SORBS2: variants seen among roughly 807,000 people sequenced by gnomAD.
The protein encoded by SORBS2 is sorbin and SH3 domain containing 2.
In SORBS2, 46 loss-of-function variants were observed where a neutral mutation model predicts 97.7. The observed-to-expected ratio is 0.47, with a 90% CI of 0.37 to 0.60. The LOEUF (loss-of-function observed/expected upper bound fraction) is 0.60. SORBS2 is among the 20% of genes least tolerant of loss of function. SORBS2 has a pLI of 0.00. For synonymous variants in SORBS2, 476 were observed against 473.4 expected, an observed-to-expected ratio of 1.01 and a Z score of -0.07; for missense variants, 1,316 against 1,282.3, an observed-to-expected ratio of 1.03 and a Z score of -0.40.
chr4:185,797,602 A>G (rs577563867), intron 1 of SORBS2, among the ~76,000 whole-genome samples: 13 of 152,224 alleles, frequency 8.5e-5, no homozygotes, highest in African/African-American at 2.9e-4. Flanking sequence ...CAGTAATCTC[A>G]TTTAATCCTA....
At chr4:185,657,482 G>A (rs770251046), upstream of SORBS2, 17 of 1,567,424 alleles carry the variant, frequency 1.1e-5, no homozygotes, top group Admixed American at 2.1e-5. Flanking sequence ...TGGGTAATGC[G>A]GGGCTTTGAT....
In SORBS2 at chr4:185,625,300, G is replaced by C. The variant is rs886810441; in HGVS notation, c.635-806C>G. On this transcript the variant is annotated intron_variant, in intron 6 of 14. Transcript: ENST00000418609. ...AAAAATCATTTGCAATTTGATAATA[G>C]AGATCTACATTTGGCCTCAATTTTG... 3.9e-5 allele frequency among the ~76,000 whole-genome samples: 6 copies of C among 151,916 alleles called. 1 individual carries two copies. Among genetic ancestry groups the C allele is most frequent in the African/African-American group, 1.5e-4 (6 of 41,292 alleles).
chr4:185,634,825 A>G (rs1177079322), intron 4 of SORBS2, among the ~76,000 whole-genome samples: 1 of 152,146 alleles, frequency 6.6e-6, no homozygotes, highest in African/African-American at 2.4e-5. Context: ...ATGGGTATGA[A>G]ACTGGGAAGT....
chr4:185,857,757 G>A (rs1162718092), intron 1 of SORBS2, among the ~76,000 whole-genome samples: 1 of 152,148 alleles, frequency 6.6e-6, no homozygotes, highest in African/African-American at 2.4e-5. Flanking sequence ...TTGAGATAAG[G>A]GATGAAATAC....
intron 12 of SORBS2, among the ~76,000 whole-genome samples, chr4:185,598,950 G>T (rs1350304636): frequency 6.6e-6 from 1 of 152,036 alleles, no homozygotes; most frequent in African/African-American, 2.4e-5. Flanking sequence ...TTATAGATGG[G>T]TCCTTTTCAC....
intron 5 of SORBS2, among the ~76,000 whole-genome samples, chr4:185,629,057 T>C (rs1421099722): frequency 1.3e-5 from 2 of 152,186 alleles, no homozygotes; most frequent in East Asian, 3.9e-4. Flanking sequence ...TTCTTTATGT[T>C]TTTGTCTTAT....
chr4:185,765,514 G>T (rs2098929431), intron 2 of SORBS2, among the ~76,000 whole-genome samples: 2 of 152,054 alleles, frequency 1.3e-5, no homozygotes, highest in Non-Finnish European at 2.9e-5. Flanking sequence ...ATTGTAAGGG[G>T]ATAAAAATCT....
chr4:185,674,342 G>C (rs2097763273), intron 4 of SORBS2, among the ~76,000 whole-genome samples: 1 of 152,124 alleles, frequency 6.6e-6, no homozygotes, highest in South Asian at 2.1e-4. Flanking sequence ...AATCTGCCAG[G>C]AAGTCCTGTT....
intron 4 of SORBS2, among the ~76,000 whole-genome samples, chr4:185,631,280 TA>T (rs1476531000): frequency 2.6e-5 from 4 of 152,238 alleles, no homozygotes; most frequent in Admixed American, 2.6e-4. Context: ...ATAACTTTTT[TA>T]AAGTGCGCTT....
At chr4:185,800,937 T>G (rs188233143) in intron 1 of SORBS2, among the ~76,000 whole-genome samples, 10 of 152,312 alleles carry the variant, frequency 6.6e-5, no homozygotes, top group Non-Finnish European at 1.0e-4. Flanking sequence ...CCTAGCAAGC[T>G]GCAAGTGTGC....
At chr4:185,832,596 A>G (rs1285852632) in intron 1 of SORBS2, among the ~76,000 whole-genome samples, 1 of 152,214 alleles carries the variant, frequency 6.6e-6, no homozygotes, top group Non-Finnish European at 1.5e-5. Flanking sequence ...ATGAAACAGA[A>G]TTATTCCTTT....
At chr4:185,853,816 A>G (rs2099219258) in intron 1 of SORBS2, among the ~76,000 whole-genome samples, 1 of 152,204 alleles carries the variant, frequency 6.6e-6, no homozygotes, top group Non-Finnish European at 1.5e-5. Flanking sequence ...GAAGAAACAG[A>G]GGGAAAATCA....
chr4:185,699,644 A>G (rs970310532), intron 2 of SORBS2, among the ~76,000 whole-genome samples: 5 of 152,140 alleles, frequency 3.3e-5, no homozygotes, highest in African/African-American at 9.7e-5. Flanking sequence ...GAAAATTTGA[A>G]CGAGAAAATA....
At chr4:185,819,030 G>T (rs909063323) in intron 1 of SORBS2, among the ~76,000 whole-genome samples, 1 of 152,114 alleles carries the variant, frequency 6.6e-6, no homozygotes, top group African/African-American at 2.4e-5. Context: ...GACATGGTTT[G>T]CTTCCAACAA....
At chr4:185,643,009 G>A (rs972816827) in intron 4 of SORBS2, among the ~76,000 whole-genome samples, 2 of 152,216 alleles carry the variant, frequency 1.3e-5, no homozygotes, top group Admixed American at 6.5e-5. Flanking sequence ...GAAATTCCAC[G>A]AATGCATATT....
At chr4:185,867,213 T>C (rs980607365) in intron 1 of SORBS2, among the ~76,000 whole-genome samples, 2 of 152,146 alleles carry the variant, frequency 1.3e-5, no homozygotes, top group African/African-American at 2.4e-5. Context: ...GGTTTCACCA[T>C]GTTGATCAGG....
exon 7 of SORBS2, chr4:185,624,076 C>G: frequency 6.2e-7 from 1 of 1,614,140 alleles, no homozygotes; most frequent in Non-Finnish European, 8.5e-7. Flanking sequence ...TCAGGAACCC[C>G]GGGGCGTTGC....
intron 1 of SORBS2, among the ~76,000 whole-genome samples, chr4:185,862,444 T>C (rs190855102): frequency 6.6e-6 from 1 of 152,364 alleles, no homozygotes; most frequent in Non-Finnish European, 1.5e-5. Flanking sequence ...GACTGTGAAC[T>C]GGTGGGTCCC....
intron 1 of SORBS2, among the ~76,000 whole-genome samples, chr4:185,864,564 G>A (rs1271772340): frequency 2.6e-5 from 4 of 152,166 alleles, no homozygotes; most frequent in Non-Finnish European, 5.9e-5. Context: ...GTGGAGGCAG[G>A]CAAAGAATTA....
Sources: gnomAD v4.1 joint callset for allele counts (sites outside exome capture counted in the v4.1 genomes callset) on GRCh38, gnomAD v4.1.1 for gene constraint, MANE v1.5 for transcripts, NCBI Gene and HGNC (gene_info 2026-07-23, HGNC 2026-07-21) for gene names.